The following CNTN4 variants were observed in gnomAD, a reference collection of about 807,000 sequenced individuals.
CNTN4 encodes contactin-4.
CNTN4 carries 77 observed loss-of-function variants against 122.5 expected under a neutral mutation model. The observed-to-expected ratio is 0.63, with a 90% CI of 0.52 to 0.76. The LOEUF is 0.76. CNTN4 is among the 30% of genes least tolerant of loss of function. CNTN4 has a pLI of 0.00. For missense variants in CNTN4, 1,256 were observed against 1,259.1 expected, an observed-to-expected ratio of 1.00 and a Z score of 0.04; for synonymous variants, 512 against 447.0, an observed-to-expected ratio of 1.15 and a Z score of -1.83.
chr3:3,005,882 G>A (rs163554), intron 14 of CNTN4, among the ~76,000 whole-genome samples: 123,873 of 149,486 alleles, frequency 0.83, 51,395 homozygotes, highest in Middle Eastern at 0.89. Flanking sequence ...AGCACACTGT[G>A]TAGAATTTTT....
intron 3 of CNTN4, among the ~76,000 whole-genome samples, chr3:2,550,580 C>T (rs1216418700): frequency 6.6e-6 from 1 of 152,122 alleles, no homozygotes; most frequent in African/African-American, 2.4e-5. Context: ...TACCATTTGA[C>T]CCAGCAACCC....
At chr3:2,470,899 G>A (rs2075662536) in intron 3 of CNTN4, among the ~76,000 whole-genome samples, 1 of 152,200 alleles carries the variant, frequency 6.6e-6, no homozygotes, top group South Asian at 2.1e-4. Flanking sequence ...GGGACTGGAT[G>A]CTTCGAGAGA....
chr3:2,725,476 G>C (rs1007423319), intron 4 of CNTN4, among the ~76,000 whole-genome samples: 1 of 152,060 alleles, frequency 6.6e-6, no homozygotes, highest in African/African-American at 2.4e-5. Context: ...TTTGGTTAAC[G>C]GTCTTTTCAA....
chr3:2,307,165 G>C (rs2042739194), intron 2 of CNTN4, among the ~76,000 whole-genome samples: 1 of 152,174 alleles, frequency 6.6e-6, no homozygotes, highest in Non-Finnish European at 1.5e-5. Flanking sequence ...GCCGGGCGCA[G>C]TGGCTCACGC....
intron 2 of CNTN4, among the ~76,000 whole-genome samples, chr3:2,225,108 A>G (rs906433466): frequency 1.3e-4 from 19 of 150,016 alleles, no homozygotes; most frequent in Non-Finnish European, 2.2e-4. Context: ...CCGAGATCGC[A>G]CCACTGCACT....
chr3:2,473,129 G>C (rs1048801372), intron 3 of CNTN4, among the ~76,000 whole-genome samples: 3 of 151,632 alleles, frequency 2.0e-5, no homozygotes, highest in Non-Finnish European at 4.4e-5. Flanking sequence ...TACTCAGGAG[G>C]CTGAGGCAGG....
intron 2 of CNTN4, among the ~76,000 whole-genome samples, chr3:2,233,128 G>C (rs2039551811): frequency 6.6e-6 from 1 of 151,370 alleles, no homozygotes; most frequent in Non-Finnish European, 1.5e-5. Flanking sequence ...ATGGGGGTCA[G>C]ACTGAACTGT....
At chr3:2,805,132 G>A (rs1021527056) in intron 6 of CNTN4, among the ~76,000 whole-genome samples, 7 of 152,014 alleles carry the variant, frequency 4.6e-5, no homozygotes, top group African/African-American at 1.2e-4. Context: ...AGCCGAGACC[G>A]CACCATCGCA....
rs1352275359 is a variant in CNTN4 at position 2,385,723 on chromosome 3, TC to T, written c.-89+46492del. Among the ~76,000 whole-genome samples the T allele has an allele frequency of 6.6e-6, 1 of 152,082 alleles. No individual in the cohort carries two copies. The highest frequency in any genetic ancestry group is 2.4e-5 in the African/African-American group (1 of 41,440). ...TGTATGCCTGTGTGTTCAAATTTTTTCCTCTTCTCATAAGGACATAAGTCTT... is the reference window on the plus strand; with the variant it reads ...TGTATGCCTGTGTGTTCAAATTTTTTCTCTTCTCATAAGGACATAAGTCTT... On this transcript the variant is annotated intron_variant, in intron 3 of 24. Transcript: ENST00000418658. This position sits in a 1 kb window ranked among gnomAD's most constrained non-coding sequence, Gnocchi z 4.0.
intron 6 of CNTN4, among the ~76,000 whole-genome samples, chr3:2,763,807 T>C (rs1291764542): frequency 2.0e-5 from 3 of 152,186 alleles, no homozygotes; most frequent in Admixed American, 1.3e-4. Flanking sequence ...TGCAGTCTTA[T>C]TTCTGGGTTC....
chr3:2,396,259 G>T lies in CNTN4; in HGVS notation c.-89+57026G>T, dbSNP rs190335023. On this transcript the variant is annotated intron_variant, in intron 3 of 24. Coordinates refer to ENST00000418658, the MANE Select transcript of CNTN4 (RefSeq NM_175607.3). ...AGGCTTGTCTCAAACTCCTGGGCTCGAGCCATCTGCCCTCCTTGGCCTTCC... is the reference window on the plus strand; with the variant it reads ...AGGCTTGTCTCAAACTCCTGGGCTCTAGCCATCTGCCCTCCTTGGCCTTCC... 5.9e-5 allele frequency among the ~76,000 whole-genome samples: 9 copies of T among 152,132 alleles called. No homozygotes were observed. In the East Asian group the frequency reaches 1.5e-3, roughly 26 times the overall value.
At chr3:2,610,609 T>A (rs2081440395) in intron 4 of CNTN4, among the ~76,000 whole-genome samples, 1 of 152,356 alleles carries the variant, frequency 6.6e-6, no homozygotes, top group African/African-American at 2.4e-5. Flanking sequence ...GGTGGGTTAA[T>A]GTGTTATAAA....
intron 4 of CNTN4, among the ~76,000 whole-genome samples, chr3:2,614,679 CAGG>C (rs2081637828): frequency 6.6e-6 from 1 of 151,988 alleles, no homozygotes; most frequent in South Asian, 2.1e-4. Flanking sequence ...GTGTAGGAAG[CAGG>C]TTCACTGAGG....
At chr3:2,382,844 C>T (rs575409422) in intron 3 of CNTN4, among the ~76,000 whole-genome samples, 4 of 152,170 alleles carry the variant, frequency 2.6e-5, no homozygotes, top group Admixed American at 2.0e-4. Context: ...GAGGCCGAGG[C>T]GGGCGGATCA....
intron 13 of CNTN4, among the ~76,000 whole-genome samples, chr3:2,951,764 T>G (rs1391829436): frequency 6.6e-6 from 1 of 152,192 alleles, no homozygotes; most frequent in East Asian, 1.9e-4. Flanking sequence ...TGCAAATTCC[T>G]TTTTACAGGT....
Position 2,444,527 on chromosome 3 carries a change from A to G in CNTN4, c.-89+105294A>G, listed in dbSNP as rs140023360. Among the ~76,000 whole-genome samples, 447 of 152,336 alleles carry G rather than the reference A, an allele frequency of 2.9e-3. 1 individual carries two copies. Among genetic ancestry groups the G allele is most frequent in the Middle Eastern group, 6.8e-3 (2 of 294 alleles). On this transcript the variant is annotated intron_variant, in intron 3 of 24. Transcript: ENST00000418658. ...TGACGCTAAGAGTGGTGAATGAGGG[A>G]AAGTGGCAGAAATGGCGAGTGTAGA... is the stretch of plus-strand genomic sequence containing the variant.
chr3:2,517,757 C>T (rs2077081537), intron 3 of CNTN4, among the ~76,000 whole-genome samples: 2 of 152,116 alleles, frequency 1.3e-5, no homozygotes, highest in African/African-American at 4.8e-5. Flanking sequence ...TATGTGTGTG[C>T]CTTTCAGATA....
chr3:2,633,262 C>T (rs146358679), intron 4 of CNTN4, among the ~76,000 whole-genome samples: 93 of 152,300 alleles, frequency 6.1e-4, no homozygotes, highest in Middle Eastern at 3.4e-3. Context: ...TGCCCCCACC[C>T]AGGATGCAGA....
chr3:2,608,648 A>T (rs1559299317), intron 4 of CNTN4, among the ~76,000 whole-genome samples: 2 of 151,904 alleles, frequency 1.3e-5, no homozygotes, highest in African/African-American at 2.4e-5. Context: ...TGCCTGGCTA[A>T]TTTTTTCTCT....
Sources: gnomAD v4.1 joint callset for allele counts (sites outside exome capture counted in the v4.1 genomes callset) on GRCh38, gnomAD v4.1.1 for gene constraint, Gnocchi (gnomAD v3.1) non-coding constraint, MANE v1.5 for transcripts, NCBI Gene and HGNC (gene_info 2026-07-23, HGNC 2026-07-21) for gene names.